Variants in SCAMP4 observed in about 807,000 individuals in gnomAD.
The protein encoded by SCAMP4 is secretory carrier membrane protein 4, also known as secretory carrier-associated membrane protein 4.
SCAMP4 carries 19 observed loss-of-function variants against 32.1 expected under a neutral mutation model. That is an observed-to-expected ratio of 0.59 (90% CI 0.41 to 0.87). The LOEUF (loss-of-function observed/expected upper bound fraction) is 0.87, where lower values mean the gene tolerates loss of function less well. Among genes scored for constraint, SCAMP4 ranks in the 40% least tolerant of loss-of-function variants. SCAMP4 has a pLI of 0.00. For missense variants in SCAMP4, 302 were observed against 309.0 expected (o/e 0.98, Z 0.17); for synonymous variants, 152 against 132.7 (o/e 1.15, Z -1.00).
intron 1 of SCAMP4, chr19:1,912,432 C>T (rs920462243): frequency 1.3e-6 from 2 of 1,511,178 alleles, no homozygotes; most frequent in African/African-American, 2.9e-5. Context: ...CCTGCCACGG[C>T]CGGCTGTGGA....
rs868179027 is a variant in SCAMP4 at position 1,924,356 on chromosome 19, G to T, written c.*72G>T. 370 of 1,447,016 alleles carry T rather than the reference G, an allele frequency of 2.6e-4. No individual in the cohort carries two copies. In the Middle Eastern group the frequency reaches 9.2e-3, roughly 36 times the overall value. The allele number at this position is 1,447,016 out of a possible 1,614,324, so 89.6% of individuals were successfully genotyped here. A position where few individuals can be genotyped will look rare whatever the true frequency, so the allele number is the denominator to read the frequency against. On this transcript the variant is annotated 3_prime_UTR_variant, in exon 7 of 7. Coordinates refer to ENST00000316097, the MANE Select transcript of SCAMP4 (RefSeq NM_079834.4). ...TCCTGCTGCTACCCCTGGTCCCGAGGGCTGGGAGTACCTGGGGCCCCATCC... is the reference window on the plus strand; with the variant it reads ...TCCTGCTGCTACCCCTGGTCCCGAGTGCTGGGAGTACCTGGGGCCCCATCC...
chr19:1,921,227 T>G, intron 5 of SCAMP4: 1 of 985,048 alleles, frequency 1.0e-6, no homozygotes. Context: ...CTCTGTGCAC[T>G]GCTGTGGGGC....
rs754903006 is a variant in SCAMP4, at chr19:1,913,128, C to G, written c.-41-1851C>G. ...CCGCGGGGTGCTGGAGGAGCAGTGC[C>G]GCTGGCTGGACCCCGACACGTAGGC... On this transcript the variant is annotated intron_variant, in intron 1 of 6. Coordinates refer to ENST00000316097, the MANE Select transcript of SCAMP4 (RefSeq NM_079834.4). 223 of 1,575,204 alleles carry G rather than the reference C, an allele frequency of 1.4e-4. No homozygotes were observed. Among genetic ancestry groups the G allele is most frequent in the Non-Finnish European group, 1.5e-4 (169 of 1,165,056 alleles).
At chr19:1,921,922 C>T (rs1036678086) in intron 5 of SCAMP4, 44 of 985,380 alleles carry the variant, frequency 4.5e-5, no homozygotes, top group African/African-American at 2.3e-4. Flanking sequence ...TGCAGGGACG[C>T]GGCGGGGGGT....
rs2013279835 is a variant in SCAMP4 at position 1,908,829 on chromosome 19, C to T, written c.-42+3390C>T. On this transcript the variant is annotated intron_variant, in intron 1 of 6. Coordinates refer to ENST00000316097, the MANE Select transcript of SCAMP4 (RefSeq NM_079834.4). The surrounding 1 kb of genome is among the most constrained non-coding windows in gnomAD (Gnocchi z 4.2). ...ATACTTTTAAGCAATGTGGGCTGGG[C>T]ACGGTGGCTCACACCTGTAATCCCA... 6.6e-6 allele frequency among the ~76,000 whole-genome samples: 1 copy of T among 152,124 alleles called. No individual in the cohort carries two copies. The highest frequency in any genetic ancestry group is 6.6e-5 in the Admixed American group (1 of 15,252).
chr19:1,907,441 G>A (rs903834705), intron 1 of SCAMP4, among the ~76,000 whole-genome samples: 8 of 151,938 alleles, frequency 5.3e-5, no homozygotes, highest in Non-Finnish European at 4.4e-5. Flanking sequence ...AGGGGTGGAA[G>A]CCGAGGCTTG....
At chr19:1,920,078 T>C (rs1344600405) in intron 5 of SCAMP4, 1 of 944,092 alleles carries the variant, frequency 1.1e-6, no homozygotes, top group Admixed American at 6.2e-5. Flanking sequence ...CCCAAAGTGC[T>C]GGGATTACAG....
chr19:1,912,382 T>A, intron 1 of SCAMP4: 3 of 1,521,140 alleles, frequency 2.0e-6, no homozygotes, highest in Non-Finnish European at 1.8e-6. Context: ...CTGCTTTGCC[T>A]GGCTGGGCCG....
chr19:1,915,033 C>A lies in SCAMP4; in HGVS notation c.7+7C>A. The A allele has an allele frequency of 8.1e-6, 13 of 1,613,734 alleles. No homozygotes were observed. Among genetic ancestry groups the A allele is most frequent in the Non-Finnish European group, 1.1e-5 (13 of 1,179,788 alleles). On this transcript the variant is annotated splice_region_variant and intron_variant, in intron 2 of 6. Transcript: ENST00000316097. The stretch of plus-strand genomic sequence containing the variant: ...GGTGAAACAGAGATGTCAGGTGAGT[C>A]CTGCCTGCCTGGGAGCCTCCAGCAG...
chr19:1,912,428 A>G, intron 1 of SCAMP4: 1 of 1,511,650 alleles, frequency 6.6e-7, no homozygotes, highest in Non-Finnish European at 8.8e-7. Flanking sequence ...AGCTCCTGCC[A>G]CGGCCGGCTG....
At chr19:1,923,208 C>T (rs371303678) in intron 6 of SCAMP4, 21 bp downstream of exon 6, 124 of 1,533,934 alleles carry the variant, frequency 8.1e-5, no homozygotes, top group Middle Eastern at 5.0e-4. Flanking sequence ...GGCTTTGTGA[C>T]GTCCAGCCCT....
intron 5 of SCAMP4, chr19:1,919,264 C>T: frequency 7.6e-7 from 1 of 1,310,402 alleles, no homozygotes; most frequent in Non-Finnish European, 9.8e-7. Flanking sequence ...AGCGCCCAGC[C>T]AGGCTTGTCT....
chr19:1,921,471 C>T, intron 5 of SCAMP4: 1 of 985,396 alleles, frequency 1.0e-6, no homozygotes, highest in Non-Finnish European at 1.2e-6. Flanking sequence ...TGGGCCCCGC[C>T]AGGAATCGGA....
intron 6 of SCAMP4, 138 bp downstream of exon 6, chr19:1,923,325 A>G (rs1469541178): frequency 1.4e-6 from 1 of 721,756 alleles, no homozygotes; most frequent in Non-Finnish European, 2.2e-6. Flanking sequence ...CATCCCCAGC[A>G]GTGAGCTGGG....
intron 5 of SCAMP4, 98 bp from the exon 6 acceptor site, chr19:1,922,972 T>G: frequency 7.2e-7 from 1 of 1,395,134 alleles, no homozygotes; most frequent in East Asian, 2.8e-5. Context: ...TCCTTGTTGA[T>G]TGGCCAGAGC....
At chr19:1,911,811 A>G in intron 1 of SCAMP4, 1 of 424,378 alleles carries the variant, frequency 2.4e-6, no homozygotes, top group Non-Finnish European at 4.0e-6. Flanking sequence ...AAAAAAAAAG[A>G]AAATGATCTG....
Position 1,912,016 on chromosome 19 carries a change from C to T in SCAMP4, c.-41-2963C>T, listed in dbSNP as rs1048205973. 7 of 1,419,546 alleles carry T rather than the reference C, an allele frequency of 4.9e-6. No homozygotes were observed. The African/African-American group carries it at 8.9e-5, about 18-fold the overall frequency. 87.9% of individuals were successfully genotyped at this position (1,419,546 alleles called of 1,614,324 possible). A position where few individuals can be genotyped will look rare whatever the true frequency, so the allele number is the denominator to read the frequency against. Reference sequence around the variant, plus strand: ...GCCACGGCCTCCCGGGACGGACTCCCCGGCTCTCCCCCAGCCGCCCGCAGC... The same window carrying T: ...GCCACGGCCTCCCGGGACGGACTCCTCGGCTCTCCCCCAGCCGCCCGCAGC... On this transcript the variant is annotated intron_variant, in intron 1 of 6. Coordinates refer to ENST00000316097, the MANE Select transcript of SCAMP4 (RefSeq NM_079834.4).
At chr19:1,921,119 TAGTG>T in intron 5 of SCAMP4, 4 of 985,374 alleles carry the variant, frequency 4.1e-6, no homozygotes, top group Non-Finnish European at 4.8e-6. Context: ...ACCGTTGGCT[TAGTG>T]AGGCCCCACG....
At chr19:1,915,123 G>C in intron 2 of SCAMP4, 97 bp downstream of exon 2, 1 of 1,430,174 alleles carries the variant, frequency 7.0e-7, no homozygotes, top group Non-Finnish European at 9.8e-7. Context: ...TTGGCAAACA[G>C]TGTCCTCCTG....
Sources: gnomAD v4.1 joint callset for allele counts (sites outside exome capture counted in the v4.1 genomes callset) on GRCh38, gnomAD v4.1.1 for gene constraint, Gnocchi (gnomAD v3.1) non-coding constraint, MANE v1.5 for transcripts, NCBI Gene and HGNC (gene_info 2026-07-23, HGNC 2026-07-21) for gene names.